Variants in CHD6 observed in about 807,000 individuals in gnomAD.
CHD6 encodes chromodomain helicase DNA binding protein 6, also known as ATP-dependent chromatin remodeler CHD6.
In CHD6, 50 loss-of-function variants were observed where a neutral mutation model predicts 276.9. The ratio of observed to expected loss-of-function variants is 0.18; its 90% confidence interval spans 0.14 to 0.23. The LOEUF (loss-of-function observed/expected upper bound fraction) is 0.23. Among genes scored for constraint, CHD6 ranks in the 10% least tolerant of loss-of-function variants. The probability of loss-of-function intolerance (pLI) is 1.00; values close to 1 mark genes in which losing one functional copy is unlikely to be tolerated. For synonymous variants in CHD6, 1,173 were observed against 1,229.3 expected (o/e 0.95, Z 0.96); for missense variants, 2,564 against 3,365.8 (o/e 0.76, Z 5.89).
chr20:41,615,742 T>G (rs1265145584), intron 1 of CHD6, among the ~76,000 whole-genome samples: 1 of 152,214 alleles, frequency 6.6e-6, no homozygotes, highest in Non-Finnish European at 1.5e-5. Context: ...AGTGATCTCA[T>G]TTAGTAATTA....
chr20:41,428,934 C>T (rs2047448084), intron 27 of CHD6, among the ~76,000 whole-genome samples: 1 of 152,126 alleles, frequency 6.6e-6, no homozygotes, highest in African/African-American at 2.4e-5. Context: ...GTTCACAGAA[C>T]CCTCAAACTC....
intron 3 of CHD6, among the ~76,000 whole-genome samples, chr20:41,525,153 C>T (rs2044497505): frequency 6.6e-6 from 1 of 152,186 alleles, no homozygotes; most frequent in Non-Finnish European, 1.5e-5. Context: ...CATGGCAAGA[C>T]TTGTCAAGTG....
intron 5 of CHD6, among the ~76,000 whole-genome samples, chr20:41,504,518 T>G (rs1601028491): frequency 6.7e-6 from 1 of 148,340 alleles, no homozygotes; most frequent in Admixed American, 6.8e-5. Flanking sequence ...CAAATGATTC[T>G]CCAGCCTCAG....
intron 3 of CHD6, among the ~76,000 whole-genome samples, chr20:41,522,709 G>T (rs949015646): frequency 1.3e-5 from 2 of 151,758 alleles, no homozygotes; most frequent in African/African-American, 2.4e-5. Context: ...TATAATATAA[G>T]TATATATACA....
At chr20:41,483,245 A>T in intron 16 of CHD6, 64 bp downstream of exon 16, 1 of 1,401,098 alleles carries the variant, frequency 7.1e-7, no homozygotes, top group Non-Finnish European at 9.5e-7. Context: ...TGAATGGATC[A>T]AAAAAATATC....
At position 41,451,812 on chromosome 20, in the gene CHD6, C is replaced by T. The variant is rs561739355; in HGVS notation, c.3523+14G>A. 1.2e-6 allele frequency: 2 copies of T among 1,613,532 alleles called. No individual in the cohort carries two copies. The highest frequency in any genetic ancestry group is 4.5e-5 in the East Asian group (2 of 44,862). On this transcript the variant is annotated intron_variant, in intron 22 of 36. Transcript: ENST00000373233. ...GGAATCGTGCTTCTTAGGCATGGCC[C>T]TGCCACCTCTCACCTGAGTGGTTCT...
intron 1 of CHD6, among the ~76,000 whole-genome samples, chr20:41,617,947 C>G (rs1216662494): frequency 6.9e-6 from 1 of 145,922 alleles, no homozygotes; most frequent in East Asian, 2.0e-4. Context: ...GCGCCCGCCC[C>G]GGGGGGGGCC....
At chr20:41,447,393 A>T (rs2048102579) in intron 24 of CHD6, among the ~76,000 whole-genome samples, 1 of 152,228 alleles carries the variant, frequency 6.6e-6, no homozygotes, top group Admixed American at 6.5e-5. Flanking sequence ...AAATCTTGGG[A>T]TACTCCCACA....
At chr20:41,592,854 C>G (rs557591023) in intron 1 of CHD6, among the ~76,000 whole-genome samples, 6 of 152,244 alleles carry the variant, frequency 3.9e-5, no homozygotes, top group Admixed American at 3.9e-4. Context: ...TACCTTAGTA[C>G]AAACTCTGTG....
intron 1 of CHD6, among the ~76,000 whole-genome samples, chr20:41,608,772 G>C (rs1057354936): frequency 6.6e-6 from 1 of 152,204 alleles, no homozygotes; most frequent in African/African-American, 2.4e-5. Flanking sequence ...AGAGAATCTA[G>C]TAATGATGGT....
At chr20:41,576,006 G>A (rs539602075) in intron 1 of CHD6, among the ~76,000 whole-genome samples, 1 of 152,188 alleles carries the variant, frequency 6.6e-6, no homozygotes, top group African/African-American at 2.4e-5. Flanking sequence ...TCTATTTACT[G>A]AGTTATTTAT....
intron 1 of CHD6, among the ~76,000 whole-genome samples, chr20:41,610,910 A>G (rs1161456265): frequency 2.6e-5 from 4 of 152,240 alleles, no homozygotes; most frequent in South Asian, 2.1e-4. Context: ...CAGGAGAACT[A>G]CAGTGTTATA....
intron 17 of CHD6, among the ~76,000 whole-genome samples, chr20:41,469,138 G>T (rs1361906159): frequency 6.6e-6 from 1 of 152,166 alleles, no homozygotes; most frequent in Non-Finnish European, 1.5e-5. Context: ...GAAAGGGCCT[G>T]TCTCCTCACT....
chr20:41,483,480 T>G lies in CHD6; in HGVS notation c.2297A>C (p.His766Pro). The change falls in exon 16 of 37, where the codon CAC (histidine) becomes CCC (proline). Residue 766 changes from histidine to proline, a missense_variant. Around this residue, in one of 7 missense-constraint regions of CHD6, gnomAD observed 457 missense variants for 889.0 expected, o/e 0.51. Transcript: ENST00000373233. ...EKILEDFRKTHSPDAPDFQLQ... is the reference protein window; with the variant it reads ...EKILEDFRKTPSPDAPDFQLQ... Reference sequence around the variant, plus strand: ...CTGAAAGTCAGGGGCATCAGGGCTGTGGGTTTTTCGGAAATCTTCTAGAAT... The same window carrying G: ...CTGAAAGTCAGGGGCATCAGGGCTGGGGGTTTTTCGGAAATCTTCTAGAAT... 6.2e-7 allele frequency: 1 copy of G among 1,613,326 alleles called. No individual in the cohort carries two copies. Among genetic ancestry groups the G allele is most frequent in the Non-Finnish European group, 8.5e-7 (1 of 1,179,734 alleles).
In CHD6 at chr20:41,470,785, T is replaced by C. The variant is rs887208612; in HGVS notation, c.2664+2537A>G. Among the ~76,000 whole-genome samples the C allele has an allele frequency of 5.9e-5, 9 of 152,394 alleles. No homozygotes were observed. In the East Asian group the frequency reaches 1.5e-3, roughly 26 times the overall value. On this transcript the variant is annotated intron_variant, in intron 17 of 36. Transcript: ENST00000373233. The stretch of plus-strand genomic sequence containing the variant: ...ACTATTCACGTTCTTGCTTTTCCCA[T>C]GGCATTGCACCTATTCAACTGGTAA...
rs1400055986 is a variant in CHD6, at chr20:41,531,239, T to A, written c.554+1811A>T. ...GGCTCAGACACCTATGGCTTTCTAA[T>A]GTCTTCTAGATACAAACCAAGACTT... On this transcript the variant is annotated intron_variant, in intron 3 of 36. Coordinates refer to ENST00000373233, the MANE Select transcript of CHD6 (RefSeq NM_032221.5). Among the ~76,000 whole-genome samples, 4 of 152,204 alleles carry A rather than the reference T, an allele frequency of 2.6e-5. No homozygotes were observed. The East Asian group carries it at 7.7e-4, about 29-fold the overall frequency.
At chr20:41,548,847 C>T (rs1043019903) in intron 2 of CHD6, among the ~76,000 whole-genome samples, 1 of 152,022 alleles carries the variant, frequency 6.6e-6, no homozygotes, top group Admixed American at 6.6e-5. Flanking sequence ...TGAACAGACA[C>T]TTCTCAAAAG....
intron 10 of CHD6, 95 bp from the exon 11 acceptor site, chr20:41,491,914 C>A: frequency 7.3e-7 from 1 of 1,379,218 alleles, no homozygotes; most frequent in Non-Finnish European, 1.0e-6. Context: ...CTCACTGTCC[C>A]AAGGCTGGTT....
intron 17 of CHD6, among the ~76,000 whole-genome samples, chr20:41,470,807 G>A (rs2043035587): frequency 6.6e-6 from 1 of 152,244 alleles, no homozygotes; most frequent in South Asian, 2.1e-4. Context: ...TATTCAACTG[G>A]TAATGTGTAG....
Sources: gnomAD v4.1 joint callset for allele counts (sites outside exome capture counted in the v4.1 genomes callset) on GRCh38, gnomAD v4.1.1 for gene constraint, gnomAD v4.1.1 regional missense constraint, MANE v1.5 for transcripts, NCBI Gene and HGNC (gene_info 2026-07-23, HGNC 2026-07-21) for gene names.